RPS6KA5: variants seen among roughly 807,000 people sequenced by gnomAD.
RPS6KA5 encodes the protein ribosomal protein S6 kinase A5, also known as ribosomal protein S6 kinase alpha-5.
A neutral mutation model predicts 85.5 loss-of-function variants in RPS6KA5; 27 were observed. The observed-to-expected ratio is 0.32, with a 90% confidence interval of 0.23 to 0.44. The LOEUF (loss-of-function observed/expected upper bound fraction) is 0.44. Among genes scored for constraint, RPS6KA5 ranks in the 20% least tolerant of loss-of-function variants. The probability of loss-of-function intolerance (pLI) is 1.00; values close to 1 mark genes in which losing one functional copy is unlikely to be tolerated. For synonymous variants in RPS6KA5, 334 were observed against 348.2 expected (o/e 0.96, Z 0.46); for missense variants, 811 against 980.9 (o/e 0.83, Z 2.31).
At chr14:90,959,556 G>A (rs1229556359) in intron 3 of RPS6KA5, among the ~76,000 whole-genome samples, 1 of 152,140 alleles carries the variant, frequency 6.6e-6, no homozygotes, top group East Asian at 1.9e-4. Flanking sequence ...GAGTAAGGAT[G>A]GGGGAAGAAC....
intron 1 of RPS6KA5, among the ~76,000 whole-genome samples, chr14:91,020,422 T>C (rs560545019): frequency 6.6e-6 from 1 of 152,320 alleles, no homozygotes; most frequent in East Asian, 1.9e-4. Flanking sequence ...TAGGAGGATG[T>C]ATAGATTATA....
rs768143841 is a variant in RPS6KA5 at position 90,965,016 on chromosome 14, C to T, written c.394+13290G>A. On this transcript the variant is annotated intron_variant, in intron 3 of 16. Coordinates refer to ENST00000614987, the MANE Select transcript of RPS6KA5 (RefSeq NM_004755.4). ...AAACATACATATTAAATTTTGATAA[C>T]TGTTGCCAATTTTTGGTAAGTACCT... 2.5e-4 allele frequency among the ~76,000 whole-genome samples: 38 copies of T among 150,896 alleles called. 1 individual carries two copies. Among genetic ancestry groups the T allele is most frequent in the Non-Finnish European group, 5.2e-4 (35 of 67,786 alleles).
chr14:90,937,687 A>G (rs1262741355), intron 5 of RPS6KA5, among the ~76,000 whole-genome samples: 3 of 152,212 alleles, frequency 2.0e-5, no homozygotes, highest in South Asian at 4.1e-4. Flanking sequence ...AACAAGTCAC[A>G]TATTACATGG....
intron 1 of RPS6KA5, among the ~76,000 whole-genome samples, chr14:91,029,152 ATTC>A (rs375095695): frequency 1.3e-5 from 2 of 152,234 alleles, no homozygotes; most frequent in African/African-American, 4.8e-5. Flanking sequence ...AAAATGACTT[ATTC>A]TTTCTTTGTT....
At chr14:90,885,028 G>A (rs575118339) in intron 14 of RPS6KA5, among the ~76,000 whole-genome samples, 1 of 150,950 alleles carries the variant, frequency 6.6e-6, no homozygotes, top group South Asian at 2.1e-4. Flanking sequence ...TGAGATGGGT[G>A]GACTGCTTGA....
In RPS6KA5 at chr14:90,871,709, C is replaced by A. The variant is rs998504982; in HGVS notation, c.*365G>T. 1.0e-4 allele frequency: 17 copies of A among 163,528 alleles called. No homozygotes were observed. Among genetic ancestry groups the A allele is most frequent in the Non-Finnish European group, 2.3e-4 (17 of 75,324 alleles). 10.1% of individuals were successfully genotyped at this position (163,528 alleles called of 1,614,324 possible). ...TCAAAAACCCACATTGTCCACAAGG[C>A]AAAGCAAAAGGTATCATCACAGTAT... On this transcript the variant is annotated 3_prime_UTR_variant, in exon 17 of 17. Transcript: ENST00000614987.
intron 1 of RPS6KA5, among the ~76,000 whole-genome samples, chr14:91,011,738 G>A (rs1236079512): frequency 6.6e-6 from 1 of 152,142 alleles, no homozygotes; most frequent in East Asian, 1.9e-4. Context: ...CTGTAAGCAT[G>A]AAATCAAAAT....
chr14:90,991,099 C>A (rs1412328054), intron 2 of RPS6KA5, among the ~76,000 whole-genome samples: 2 of 151,944 alleles, frequency 1.3e-5, no homozygotes, highest in Non-Finnish European at 2.9e-5. Flanking sequence ...ACAGGGGAAA[C>A]TGAAAGCAAG....
intron 3 of RPS6KA5, among the ~76,000 whole-genome samples, chr14:90,951,830 C>T (rs754056476): frequency 4.6e-5 from 7 of 152,148 alleles, no homozygotes; most frequent in Non-Finnish European, 7.4e-5. Context: ...CCAGAACACC[C>T]AGACCTTTGG....
At chr14:91,044,735 G>A (rs139779466) in intron 1 of RPS6KA5, among the ~76,000 whole-genome samples, 1 of 152,090 alleles carries the variant, frequency 6.6e-6, no homozygotes, top group African/African-American at 2.4e-5. Context: ...GCCAGGTGTG[G>A]TGGCAGGCAC....
chr14:90,966,659 A>G (rs1263997582), intron 3 of RPS6KA5, among the ~76,000 whole-genome samples: 2 of 152,240 alleles, frequency 1.3e-5, no homozygotes, highest in Non-Finnish European at 2.9e-5. Context: ...GGCACCAAAG[A>G]GGCAGACTAA....
chr14:90,920,742 T>A (rs2036363531), intron 6 of RPS6KA5, among the ~76,000 whole-genome samples: 2 of 151,860 alleles, frequency 1.3e-5, no homozygotes, highest in Admixed American at 6.6e-5. Flanking sequence ...TAAATCAATT[T>A]TTCTTATAGA....
At chr14:90,889,787 GGGA>G (rs2140191053) in intron 14 of RPS6KA5, among the ~76,000 whole-genome samples, 1 of 152,224 alleles carries the variant, frequency 6.6e-6, no homozygotes, top group East Asian at 1.9e-4. Context: ...ATATCTAAAG[GGGA>G]GGAGGGGCTG....
In RPS6KA5 at chr14:90,855,336, C is replaced by G. The variant is rs1231808755; in HGVS notation, c.*16738G>C. On this transcript the variant is annotated 3_prime_UTR_variant, in exon 17 of 17. Transcript: ENST00000614987. ...TCAGCTAACTGCACAAATGAGCCTG[C>G]TTCTGAGACAAAGTTAACATAGGTA... 6.6e-6 allele frequency: 1 copy of G among 152,200 alleles called. No homozygotes were observed. Among genetic ancestry groups the G allele is most frequent in the Admixed American group, 6.5e-5 (1 of 15,284 alleles). The allele number at this position is 152,200 out of a possible 1,614,324, so 9.4% of individuals were successfully genotyped here. A position where few individuals can be genotyped will look rare whatever the true frequency, so the allele number is the denominator to read the frequency against.
chr14:91,003,693 C>T (rs2040878923), intron 1 of RPS6KA5, among the ~76,000 whole-genome samples: 1 of 152,152 alleles, frequency 6.6e-6, no homozygotes, highest in South Asian at 2.1e-4. Flanking sequence ...CTTTTTATTG[C>T]TTTTCCACCA....
intron 1 of RPS6KA5, among the ~76,000 whole-genome samples, chr14:91,009,293 A>C (rs981103150): frequency 3.9e-5 from 6 of 152,230 alleles, no homozygotes; most frequent in African/African-American, 1.4e-4. Context: ...CCACCATGTG[A>C]GGACACAGCT....
chr14:91,058,181 GAC>G (rs778076043), intron 1 of RPS6KA5, among the ~76,000 whole-genome samples: 3 of 152,160 alleles, frequency 2.0e-5, no homozygotes, highest in Non-Finnish European at 4.4e-5. Context: ...CAGTGTTTTT[GAC>G]CACTATATCC....
chr14:90,940,028 T>A (rs2037484956), intron 5 of RPS6KA5, among the ~76,000 whole-genome samples: 1 of 152,048 alleles, frequency 6.6e-6, no homozygotes, highest in African/African-American at 2.4e-5. Flanking sequence ...AGGTGCTGGG[T>A]GGAATCAGAG....
At chr14:90,882,095 A>AT (rs1406071163) in intron 14 of RPS6KA5, among the ~76,000 whole-genome samples, 1 of 151,746 alleles carries the variant, frequency 6.6e-6, no homozygotes, top group Non-Finnish European at 1.5e-5. Flanking sequence ...TGTTTAGTTT[A>AT]TTTTTTTGTA....
Sources: allele counts gnomAD v4.1 joint callset (sites outside exome capture counted in the v4.1 genomes callset), GRCh38; gene constraint gnomAD v4.1.1; transcripts MANE v1.5; gene names NCBI Gene and HGNC (gene_info 2026-07-23, HGNC 2026-07-21).